Variants in MTDH observed in about 807,000 individuals in gnomAD.
The protein encoded by MTDH is protein LYRIC.
MTDH carries 34 observed loss-of-function variants against 72.7 expected under a neutral mutation model. The ratio of observed to expected loss-of-function variants is 0.47; its 90% CI spans 0.36 to 0.62. The LOEUF (loss-of-function observed/expected upper bound fraction) is 0.62, where lower values mean the gene tolerates loss of function less well. Ranked by LOEUF, MTDH falls within the 20% of genes least tolerant of loss-of-function variation. The pLI, the probability that MTDH is intolerant of heterozygous loss-of-function variation, is 0.00. For synonymous variants in MTDH, 266 were observed against 268.9 expected, an observed-to-expected ratio of 0.99 and a Z score of 0.10; for missense variants, 677 against 699.4, an observed-to-expected ratio of 0.97 and a Z score of 0.36.
In MTDH at chr8:97,706,614, G is replaced by A. The variant is rs781148757; in HGVS notation, c.1148-12G>A. The A allele has an allele frequency of 7.0e-6, 11 of 1,564,938 alleles. No homozygotes were observed. In the East Asian group the frequency reaches 1.2e-4, roughly 16 times the overall value. On this transcript the variant is annotated splice_polypyrimidine_tract_variant and intron_variant, in intron 7 of 11. Transcript: ENST00000336273. ...AAATGATAGACGCCTAATTCACACTGTTAAATTTTAGATGGTCTGTCTTCT... is the reference window on the plus strand; with the variant it reads ...AAATGATAGACGCCTAATTCACACTATTAAATTTTAGATGGTCTGTCTTCT...
chr8:97,705,706 C>G lies in MTDH; in HGVS notation c.1148-920C>G, dbSNP rs930114951. 1.1e-4 allele frequency among the ~76,000 whole-genome samples: 16 copies of G among 152,278 alleles called. No homozygotes were observed. In the South Asian group the frequency reaches 2.9e-3, roughly 28 times the overall value. ...AAGCATTGTTGGGACAACTTGTTAACCATTTGGAAATAAAGCCTAACCTTT... is the reference window on the plus strand; with the variant it reads ...AAGCATTGTTGGGACAACTTGTTAAGCATTTGGAAATAAAGCCTAACCTTT... On this transcript the variant is annotated intron_variant, in intron 7 of 11. Coordinates refer to ENST00000336273, the MANE Select transcript of MTDH (RefSeq NM_178812.4).
intron 1 of MTDH, among the ~76,000 whole-genome samples, chr8:97,650,475 A>G (rs549638960): frequency 6.6e-6 from 1 of 151,740 alleles, no homozygotes; most frequent in African/African-American, 2.4e-5. Flanking sequence ...GCGTTTTGCT[A>G]TGTTGCCTAG....
chr8:97,652,099 T>G (rs1811795450), intron 1 of MTDH, among the ~76,000 whole-genome samples: 1 of 152,210 alleles, frequency 6.6e-6, no homozygotes, highest in African/African-American at 2.4e-5. Flanking sequence ...TAGCCTTCCT[T>G]TTACTGCATC....
intron 6 of MTDH, among the ~76,000 whole-genome samples, chr8:97,692,586 C>G (rs373019154): frequency 1.3e-5 from 2 of 152,010 alleles, no homozygotes; most frequent in African/African-American, 2.4e-5. Flanking sequence ...CCATGTTGGC[C>G]AGGCTGGTTT....
At chr8:97,691,289 G>A in intron 6 of MTDH, 101 bp downstream of exon 6, 1 of 794,580 alleles carries the variant, frequency 1.3e-6, no homozygotes, top group African/African-American at 1.7e-5. Flanking sequence ...AGAAAAATAA[G>A]TACTGCTCTG....
At chr8:97,679,623 G>T (rs1446697640) in intron 2 of MTDH, among the ~76,000 whole-genome samples, 2 of 152,168 alleles carry the variant, frequency 1.3e-5, no homozygotes, top group African/African-American at 4.8e-5. Context: ...ATATTCGAAA[G>T]AATGAAGCAT....
intron 8 of MTDH, among the ~76,000 whole-genome samples, chr8:97,710,611 T>A (rs1386644864): frequency 1.4e-5 from 2 of 139,180 alleles, no homozygotes; most frequent in Non-Finnish European, 3.0e-5. Flanking sequence ...GGCACAAGAC[T>A]CGCTTGAACT....
At chr8:97,712,311 G>A (rs901182528) in intron 8 of MTDH, among the ~76,000 whole-genome samples, 1 of 152,124 alleles carries the variant, frequency 6.6e-6, no homozygotes, top group African/African-American at 2.4e-5. Flanking sequence ...TGCTGGGATT[G>A]CAGGCTTCAG....
At chr8:97,723,446 T>G (rs910845344) in intron 11 of MTDH, among the ~76,000 whole-genome samples, 2 of 149,154 alleles carry the variant, frequency 1.3e-5, no homozygotes, top group Admixed American at 6.7e-5. Context: ...TTTCTTCCTT[T>G]GAAAATGCTA....
intron 7 of MTDH, among the ~76,000 whole-genome samples, chr8:97,704,729 G>A (rs1207173198): frequency 2.6e-5 from 4 of 151,680 alleles, no homozygotes; most frequent in Non-Finnish European, 5.9e-5. Flanking sequence ...TTTTCTGTGA[G>A]CGTTTTCCCA....
At chr8:97,668,389 T>A (rs971228107) in intron 2 of MTDH, among the ~76,000 whole-genome samples, 2 of 152,050 alleles carry the variant, frequency 1.3e-5, no homozygotes, top group Non-Finnish European at 2.9e-5. Context: ...CATAAAAGAT[T>A]CATGCACATT....
At chr8:97,697,150 A>ATATATATTTTTTTTTT in intron 6 of MTDH, among the ~76,000 whole-genome samples, 8 of 68,796 alleles carry the variant, frequency 1.2e-4, no homozygotes, top group African/African-American at 7.3e-4. Flanking sequence ...ATATATATAT[A>ATATATATTTTTTTTTT]TTTTTTTTTT....
intron 2 of MTDH, among the ~76,000 whole-genome samples, chr8:97,683,067 TTTTTTTTTTTTTTTTG>T (rs1455111493): frequency 4.1e-5 from 5 of 121,382 alleles, no homozygotes; most frequent in African/African-American, 1.3e-4. Flanking sequence ...TTTTTTTTTT[TTTTTTTTTTTTTTTTG>T]AGATGGAGTC....
At chr8:97,655,468 T>G in intron 1 of MTDH, among the ~76,000 whole-genome samples, 1 of 152,246 alleles carries the variant, frequency 6.6e-6, no homozygotes, top group East Asian at 1.9e-4. Context: ...GAGGATATAT[T>G]TGCTTATTAT....
intron 9 of MTDH, among the ~76,000 whole-genome samples, chr8:97,717,000 G>A (rs750942789): frequency 1.5e-4 from 23 of 152,128 alleles, no homozygotes; most frequent in South Asian, 1.0e-3. Flanking sequence ...TTTGGTGTTC[G>A]TGTGTGGCTG....
chr8:97,680,548 A>G lies in MTDH; in HGVS notation c.484-6120A>G, dbSNP rs966713062. Reference sequence around the variant, plus strand: ...ACACATGCCTATACATGTACTTAACATATAACACAAAGATTTTTTTCTAAT... The same window carrying G: ...ACACATGCCTATACATGTACTTAACGTATAACACAAAGATTTTTTTCTAAT... On this transcript the variant is annotated intron_variant, in intron 2 of 11. Transcript: ENST00000336273. 2.0e-5 allele frequency among the ~76,000 whole-genome samples: 3 copies of G among 152,236 alleles called. 1 individual carries two copies. The highest frequency in any genetic ancestry group is 7.2e-5 in the African/African-American group (3 of 41,450).
chr8:97,675,886 T>C (rs1485527991), intron 2 of MTDH, among the ~76,000 whole-genome samples: 1 of 151,566 alleles, frequency 6.6e-6, no homozygotes, highest in Non-Finnish European at 1.5e-5. Context: ...AAAAAAAGAA[T>C]TTACATTTAG....
At chr8:97,681,673 T>C (rs957985428) in intron 2 of MTDH, among the ~76,000 whole-genome samples, 2 of 151,856 alleles carry the variant, frequency 1.3e-5, no homozygotes, top group Admixed American at 1.3e-4. Context: ...TTTGTATTTT[T>C]AGTAGAGATA....
chr8:97,667,985 T>C (rs1812458111), intron 2 of MTDH, among the ~76,000 whole-genome samples: 1 of 151,928 alleles, frequency 6.6e-6, no homozygotes, highest in Non-Finnish European at 1.5e-5. Context: ...ATGGAATGTT[T>C]TAACATTTTG....
Sources: allele counts gnomAD v4.1 joint callset (sites outside exome capture counted in the v4.1 genomes callset), GRCh38; gene constraint gnomAD v4.1.1; transcripts MANE v1.5; gene names NCBI Gene and HGNC (gene_info 2026-07-23, HGNC 2026-07-21).